The following SNTB1 variants were observed in gnomAD, a reference collection of about 807,000 sequenced individuals.
SNTB1 encodes the protein beta-1-syntrophin.
In SNTB1, 36 loss-of-function variants were observed where a neutral mutation model predicts 48.9. The observed-to-expected ratio is 0.74, with a 90% CI of 0.56 to 0.97. SNTB1 has a LOEUF of 0.97. SNTB1 is among the 50% of genes least tolerant of loss of function. The probability of loss-of-function intolerance (pLI) is 0.00; values close to 1 mark genes in which losing one functional copy is unlikely to be tolerated. For synonymous variants in SNTB1, 299 were observed against 294.6 expected, an observed-to-expected ratio of 1.01 and a Z score of -0.15; for missense variants, 786 against 703.4, an observed-to-expected ratio of 1.12 and a Z score of -1.33.
At position 120,548,618 on chromosome 8, in the gene SNTB1, C is replaced by G. The variant is rs535149741; in HGVS notation, c.1333+144G>C. ...TACATTTTAGTAGGGTATAGACCTC[C>G]TTAATTTAGAAGAATTTAAATTTGC... On this transcript the variant is annotated intron_variant, in intron 5 of 6. Transcript: ENST00000517992. 7.5e-4 allele frequency: 525 copies of G among 702,516 alleles called. 2 individuals carry two copies. The African/African-American group carries it at 8.3e-3, about 11-fold the overall frequency. The allele number at this position is 702,516 out of a possible 1,614,324, so 43.5% of individuals were successfully genotyped here.
rs1469155549 is a variant in SNTB1, at chr8:120,811,924, C to T, written c.-81G>A. On this transcript the variant is annotated 5_prime_UTR_variant, in exon 1 of 7. Coordinates refer to ENST00000517992, the MANE Select transcript of SNTB1 (RefSeq NM_021021.4). ...GGGTGGCCGGGGGGAGGACGCGGGG[C>T]CCGGGGGAGCGAGGAGAGTGCGTCC... 3.0e-5 allele frequency: 38 copies of T among 1,284,152 alleles called. 1 individual carries two copies. The East Asian group carries it at 1.2e-3, about 41-fold the overall frequency. The allele number at this position is 1,284,152 out of a possible 1,614,324, so 79.5% of individuals were successfully genotyped here.
chr8:120,650,025 C>T (rs1817384482), intron 2 of SNTB1, among the ~76,000 whole-genome samples: 1 of 152,214 alleles, frequency 6.6e-6, no homozygotes, highest in Non-Finnish European at 1.5e-5. Flanking sequence ...CCTGCTTCGG[C>T]TCGCGCACGG....
chr8:120,718,161 G>C (rs575482386), intron 1 of SNTB1, among the ~76,000 whole-genome samples: 3 of 152,368 alleles, frequency 2.0e-5, no homozygotes, highest in Admixed American at 2.0e-4. Flanking sequence ...ACTGAGTGTT[G>C]ATTTGATTGG....
At chr8:120,794,220 C>T (rs1172064772) in intron 1 of SNTB1, among the ~76,000 whole-genome samples, 2 of 151,992 alleles carry the variant, frequency 1.3e-5, no homozygotes, top group Non-Finnish European at 2.9e-5. Flanking sequence ...TGAAGGATGA[C>T]ACAATCCAGT....
At chr8:120,778,766 G>A (rs1819781580) in intron 1 of SNTB1, among the ~76,000 whole-genome samples, 1 of 152,134 alleles carries the variant, frequency 6.6e-6, no homozygotes, top group African/African-American at 2.4e-5. Flanking sequence ...TGCTACAACT[G>A]TAGCATGAAT....
intron 1 of SNTB1, among the ~76,000 whole-genome samples, chr8:120,716,695 G>A (rs542398116): frequency 7.9e-5 from 12 of 152,276 alleles, no homozygotes; most frequent in African/African-American, 2.2e-4. Flanking sequence ...TCAGCTTGGC[G>A]GTGCCTTGCA....
chr8:120,624,351 A>C (rs1816841020), intron 3 of SNTB1, among the ~76,000 whole-genome samples: 1 of 152,194 alleles, frequency 6.6e-6, no homozygotes, highest in African/African-American at 2.4e-5. Context: ...TCATCCCATG[A>C]CAGAAGAAGC....
intron 5 of SNTB1, among the ~76,000 whole-genome samples, chr8:120,543,907 C>T (rs1001132467): frequency 1.3e-5 from 2 of 151,948 alleles, no homozygotes; most frequent in Non-Finnish European, 2.9e-5. Flanking sequence ...TGTCTAAGGA[C>T]AGTAGCATAG....
intron 3 of SNTB1, among the ~76,000 whole-genome samples, chr8:120,605,198 C>A (rs1218683611): frequency 1.3e-5 from 2 of 152,212 alleles, no homozygotes; most frequent in African/African-American, 4.8e-5. Flanking sequence ...CTGCAGTCCC[C>A]TTTCTATAGG....
chr8:120,610,856 G>A (rs1378040162), intron 3 of SNTB1, among the ~76,000 whole-genome samples: 9 of 152,110 alleles, frequency 5.9e-5, no homozygotes, highest in African/African-American at 2.2e-4. Context: ...ATTAACAACG[G>A]CCTAACCATC....
chr8:120,537,141 A>T lies in SNTB1; in HGVS notation c.*1736T>A, dbSNP rs944804089. ...CTAAAGCTGTGTTTTCTAAAGCATTAAAAAAAAAAAACAAATAACAACAAC... is the reference window on the plus strand; with the variant it reads ...CTAAAGCTGTGTTTTCTAAAGCATTTAAAAAAAAAAACAAATAACAACAAC... On this transcript the variant is annotated 3_prime_UTR_variant, in exon 7 of 7. Coordinates refer to ENST00000517992, the MANE Select transcript of SNTB1 (RefSeq NM_021021.4). 4.0e-5 allele frequency: 2 copies of T among 49,858 alleles called. No homozygotes were observed. The highest frequency in any genetic ancestry group is 3.3e-5 in the Non-Finnish European group (1 of 29,930). 3.1% of individuals were successfully genotyped at this position (49,858 alleles called of 1,614,324 possible).
chr8:120,800,615 A>C (rs1255183725), intron 1 of SNTB1, among the ~76,000 whole-genome samples: 1 of 152,056 alleles, frequency 6.6e-6, no homozygotes, highest in Non-Finnish European at 1.5e-5. Flanking sequence ...TCCAGGAAAA[A>C]AATTATACAG....
chr8:120,622,901 A>T (rs1339385578), intron 3 of SNTB1, among the ~76,000 whole-genome samples: 1 of 152,118 alleles, frequency 6.6e-6, no homozygotes, highest in Non-Finnish European at 1.5e-5. Flanking sequence ...TTCCTTCTCT[A>T]GAGAATTGCC....
chr8:120,572,063 C>A (rs148737774), intron 4 of SNTB1, among the ~76,000 whole-genome samples: 1 of 151,732 alleles, frequency 6.6e-6, no homozygotes, highest in African/African-American at 2.4e-5. Flanking sequence ...AAGGATTTTT[C>A]TGGAATTTCA....
chr8:120,561,414 A>G lies in SNTB1; in HGVS notation c.1137-12456T>C, dbSNP rs1190950762. ...TTCAGGTCATCCATGGGTTTAATTT[A>G]TCCCTGTGCTGCTCTTCTCCAGAGG... On this transcript the variant is annotated intron_variant, in intron 4 of 6. Transcript: ENST00000517992. 3.3e-5 allele frequency among the ~76,000 whole-genome samples: 5 copies of G among 151,570 alleles called. No individual in the cohort carries two copies. The South Asian group carries it at 1.0e-3, about 32-fold the overall frequency.
intron 3 of SNTB1, among the ~76,000 whole-genome samples, chr8:120,610,454 CTGAT>C (rs549096816): frequency 2.1e-3 from 322 of 152,314 alleles, no homozygotes; most frequent in African/African-American, 7.5e-3. Context: ...AACTTCTTAA[CTGAT>C]TGTTTCATTC....
At chr8:120,740,289 T>C (rs763194931) in intron 1 of SNTB1, among the ~76,000 whole-genome samples, 4 of 152,174 alleles carry the variant, frequency 2.6e-5, no homozygotes, top group Non-Finnish European at 5.9e-5. Context: ...AGCATCCAGG[T>C]TCAGATCCTC....
At chr8:120,565,548 A>T (rs978631058) in intron 4 of SNTB1, among the ~76,000 whole-genome samples, 4 of 152,234 alleles carry the variant, frequency 2.6e-5, no homozygotes, top group Admixed American at 2.0e-4. Context: ...GCTAGGAAAG[A>T]ATGCAAAATA....
intron 2 of SNTB1, among the ~76,000 whole-genome samples, chr8:120,661,308 G>C (rs1817584218): frequency 1.3e-5 from 2 of 152,090 alleles, no homozygotes; most frequent in South Asian, 4.1e-4. Flanking sequence ...ATGCATGAAT[G>C]AATGAATGAC....
Sources: gnomAD v4.1 joint callset for allele counts (sites outside exome capture counted in the v4.1 genomes callset) on GRCh38, gnomAD v4.1.1 for gene constraint, MANE v1.5 for transcripts, NCBI Gene and HGNC (gene_info 2026-07-23, HGNC 2026-07-21) for gene names.